Variants in HMGCLL1 observed in about 807,000 individuals in gnomAD.
HMGCLL1 encodes 3-hydroxymethyl-3-methylglutaryl-CoA lyase, cytoplasmic.
In HMGCLL1, 36 loss-of-function variants were observed where a neutral mutation model predicts 39.1. That is an observed-to-expected ratio of 0.92 (90% CI 0.71 to 1.22). The LOEUF (loss-of-function observed/expected upper bound fraction) is 1.22, where lower values mean the gene tolerates loss of function less well. HMGCLL1 is among the 50% of genes most tolerant of loss of function. HMGCLL1 has a pLI of 0.00. For synonymous variants in HMGCLL1, 149 were observed against 144.0 expected (o/e 1.03, Z -0.25); for missense variants, 451 against 416.5 (o/e 1.08, Z -0.72).
intron 7 of HMGCLL1, among the ~76,000 whole-genome samples, chr6:55,440,469 C>T (rs536608538): frequency 3.3e-5 from 5 of 152,020 alleles, no homozygotes; most frequent in Admixed American, 1.3e-4. Flanking sequence ...CTCTGTGTAC[C>T]GGAGAAGTTA....
chr6:55,501,411 CAT>C (rs773166119), intron 5 of HMGCLL1, among the ~76,000 whole-genome samples: 25 of 151,848 alleles, frequency 1.6e-4, no homozygotes, highest in Non-Finnish European at 3.1e-4. Context: ...CAACAGAAAT[CAT>C]CTGACCCACA....
chr6:55,522,828 G>A (rs1362699041), intron 3 of HMGCLL1, among the ~76,000 whole-genome samples: 4 of 151,974 alleles, frequency 2.6e-5, no homozygotes, highest in Non-Finnish European at 5.9e-5. Flanking sequence ...AAATTATTCA[G>A]TGTGTTTTTG....
chr6:55,575,827 C>G (rs533824405), intron 1 of HMGCLL1, among the ~76,000 whole-genome samples: 18 of 152,050 alleles, frequency 1.2e-4, no homozygotes, highest in Non-Finnish European at 1.9e-4. Context: ...ATACCATGTC[C>G]CCATTCTCAC....
At chr6:55,438,554 C>T (rs964887085) in intron 8 of HMGCLL1, among the ~76,000 whole-genome samples, 15 of 152,016 alleles carry the variant, frequency 9.9e-5, no homozygotes, top group Non-Finnish European at 2.9e-5. Flanking sequence ...TCTTACTTTC[C>T]AGGCCAAATG....
rs368275341 is a variant in HMGCLL1, at chr6:55,524,522, A to G, written c.298-7919T>C. Among the ~76,000 whole-genome samples, 7 of 150,540 alleles carry G rather than the reference A, an allele frequency of 4.6e-5. No individual in the cohort carries two copies. In the East Asian group the frequency reaches 1.2e-3, roughly 25 times the overall value. ...ATGTATTCAGTATCTAAAGTTCCCT[A>G]CAAGTGGTTGGCCATATATCTCCTA... On this transcript the variant is annotated intron_variant, in intron 3 of 8. Transcript: ENST00000274901.
intron 1 of HMGCLL1, among the ~76,000 whole-genome samples, chr6:55,544,464 G>A (rs1368337024): frequency 1.3e-5 from 2 of 152,082 alleles, no homozygotes; most frequent in Non-Finnish European, 2.9e-5. Flanking sequence ...GACAGAATCA[G>A]CCCAGAACCA....
chr6:55,596,523 A>G, the HMGCLL1 span, among the ~76,000 whole-genome samples: 3 of 152,218 alleles, frequency 2.0e-5, no homozygotes, highest in Non-Finnish European at 4.4e-5. Flanking sequence ...AAAAGATTTA[A>G]TTATGAGGTT....
the HMGCLL1 span, among the ~76,000 whole-genome samples, chr6:55,605,567 C>T: frequency 1.3e-5 from 2 of 151,960 alleles, no homozygotes; most frequent in African/African-American, 4.8e-5. Flanking sequence ...TTATTTGATG[C>T]CTAATTTTGC....
the HMGCLL1 span, among the ~76,000 whole-genome samples, chr6:55,650,148 C>CTT: frequency 1.2e-5 from 1 of 84,258 alleles, no homozygotes; most frequent in African/African-American, 4.0e-5. Flanking sequence ...CACACACACA[C>CTT]ATATGTATAT....
At chr6:55,572,013 G>C (rs946388248) in intron 1 of HMGCLL1, among the ~76,000 whole-genome samples, 1 of 134,556 alleles carries the variant, frequency 7.4e-6, no homozygotes, top group East Asian at 2.6e-4. Context: ...AAATTAAAAT[G>C]CTAATGTAGA....
intron 7 of HMGCLL1, among the ~76,000 whole-genome samples, chr6:55,467,477 G>T (rs1337339087): frequency 6.6e-6 from 1 of 151,978 alleles, no homozygotes. Flanking sequence ...ATACAGATAA[G>T]AGCAAGAGCT....
intron 7 of HMGCLL1, among the ~76,000 whole-genome samples, chr6:55,460,501 C>T (rs933052906): frequency 2.6e-5 from 4 of 151,678 alleles, no homozygotes; most frequent in African/African-American, 4.8e-5. Context: ...TAACAAAAAG[C>T]GTATGTTTAT....
At chr6:55,499,411 T>A in intron 5 of HMGCLL1, 112 bp from the exon 6 acceptor site, 1 of 709,928 alleles carries the variant, frequency 1.4e-6, no homozygotes, top group Non-Finnish European at 2.2e-6. Flanking sequence ...TTTGCACTAT[T>A]ACTTTATTAT....
intron 1 of HMGCLL1, among the ~76,000 whole-genome samples, chr6:55,552,132 A>C (rs922279569): frequency 6.6e-6 from 1 of 151,976 alleles, no homozygotes. Context: ...AAAACAAACA[A>C]ACACACACAA....
intron 7 of HMGCLL1, among the ~76,000 whole-genome samples, chr6:55,471,133 G>C (rs768727692): frequency 9.2e-5 from 14 of 151,736 alleles, no homozygotes; most frequent in Non-Finnish European, 1.8e-4. Context: ...GTTATAATAT[G>C]ATTGGTAAAT....
intron 4 of HMGCLL1, among the ~76,000 whole-genome samples, chr6:55,515,625 T>C (rs1198917206): frequency 3.9e-5 from 6 of 152,138 alleles, no homozygotes; most frequent in Non-Finnish European, 8.8e-5. Context: ...TGCTTGCCCC[T>C]CTGAGTTAAC....
intron 3 of HMGCLL1, among the ~76,000 whole-genome samples, chr6:55,540,787 T>C (rs977135983): frequency 3.3e-5 from 5 of 152,074 alleles, no homozygotes; most frequent in Non-Finnish European, 7.4e-5. Context: ...AGATGGTACA[T>C]CCACCTGAAG....
intron 3 of HMGCLL1, among the ~76,000 whole-genome samples, chr6:55,538,873 A>G (rs1769179850): frequency 6.6e-6 from 1 of 152,036 alleles, no homozygotes; most frequent in Non-Finnish European, 1.5e-5. Context: ...AGCAGTGACA[A>G]TGGGATAGAG....
upstream of HMGCLL1, among the ~76,000 whole-genome samples, chr6:55,580,410 T>TTTC (rs1561975464): frequency 1.4e-5 from 1 of 69,504 alleles, no homozygotes; most frequent in Non-Finnish European, 2.9e-5. Context: ...TTCTTTCTTT[T>TTTC]TTTTTTTTTT....
Sources: allele counts gnomAD v4.1 joint callset (sites outside exome capture counted in the v4.1 genomes callset), GRCh38; gene constraint gnomAD v4.1.1; transcripts MANE v1.5; gene names NCBI Gene and HGNC (gene_info 2026-07-23, HGNC 2026-07-21).